Variants in SNAP25 observed in about 807,000 individuals in gnomAD.
SNAP25 encodes the protein synaptosome associated protein 25, also known as synaptosomal-associated protein 25.
A neutral mutation model predicts 28.7 loss-of-function variants in SNAP25; 3 were observed. That is an observed-to-expected ratio of 0.10 (90% CI 0.05 to 0.27). The LOEUF (loss-of-function observed/expected upper bound fraction) is 0.27, where lower values mean the gene tolerates loss of function less well. Among genes scored for constraint, SNAP25 ranks in the 10% least tolerant of loss-of-function variants. The pLI, the probability that SNAP25 is intolerant of heterozygous loss-of-function variation, is 1.00. For synonymous variants in SNAP25, 61 were observed against 88.1 expected, an observed-to-expected ratio of 0.69 and a Z score of 1.72; for missense variants, 117 against 278.7, an observed-to-expected ratio of 0.42 and a Z score of 4.13.
At chr20:10,222,064 C>T (rs1006074880) in intron 1 of SNAP25, among the ~76,000 whole-genome samples, 15 of 152,224 alleles carry the variant, frequency 9.9e-5, no homozygotes, top group Non-Finnish European at 2.2e-4. Context: ...AATGTCATCC[C>T]TTGTCAGCAA....
chr20:10,242,077 C>A (rs900361981), intron 1 of SNAP25, among the ~76,000 whole-genome samples: 1 of 152,148 alleles, frequency 6.6e-6, no homozygotes, highest in Non-Finnish European at 1.5e-5. Context: ...TGCTGGAGAA[C>A]CCTAACTGCT....
intron 4 of SNAP25, among the ~76,000 whole-genome samples, chr20:10,286,288 T>C (rs1371160475): frequency 1.3e-5 from 2 of 152,118 alleles, no homozygotes; most frequent in Admixed American, 6.5e-5. Flanking sequence ...AGATGCCTCA[T>C]TTGGGGTCCC....
intron 5 of SNAP25, 197 bp from the exon 6 acceptor site, chr20:10,296,728 T>C (rs1434333457): frequency 3.1e-6 from 2 of 638,566 alleles, no homozygotes; most frequent in East Asian, 3.1e-5. Flanking sequence ...ATGGATTCGA[T>C]TGGAAGTGAA....
chr20:10,266,984 C>T (rs775659379), intron 1 of SNAP25, among the ~76,000 whole-genome samples: 5 of 152,078 alleles, frequency 3.3e-5, no homozygotes, highest in Admixed American at 6.6e-5. Context: ...ATTAAATATT[C>T]ACAGCCATTG....
intron 1 of SNAP25, among the ~76,000 whole-genome samples, chr20:10,255,262 A>C (rs1600694858): frequency 6.6e-6 from 1 of 152,250 alleles, no homozygotes; most frequent in East Asian, 1.9e-4. Flanking sequence ...AGCACTTCAA[A>C]CTTTGATTGC....
chr20:10,279,597 C>T, intron 3 of SNAP25, among the ~76,000 whole-genome samples: 1 of 152,206 alleles, frequency 6.6e-6, no homozygotes, highest in South Asian at 2.1e-4. Context: ...TCTTAAACTG[C>T]AAGCCATGTC....
chr20:10,240,515 C>T (rs2063007956), intron 1 of SNAP25, among the ~76,000 whole-genome samples: 1 of 152,144 alleles, frequency 6.6e-6, no homozygotes, highest in African/African-American at 2.4e-5. Context: ...GGCACCAGGG[C>T]ACAGAAATGC....
intron 7 of SNAP25, among the ~76,000 whole-genome samples, chr20:10,300,974 A>C (rs898582469): frequency 3.2e-4 from 49 of 151,988 alleles, no homozygotes; most frequent in Non-Finnish European, 8.8e-5. Flanking sequence ...CTCCAACAGA[A>C]AAAACAATTT....
chr20:10,273,041 G>C (rs936713090), intron 1 of SNAP25, among the ~76,000 whole-genome samples: 2 of 152,080 alleles, frequency 1.3e-5, no homozygotes, highest in Admixed American at 1.3e-4. Flanking sequence ...CAATAGAATC[G>C]TGGACCTGGA....
At chr20:10,246,142 T>C (rs2063123272) in intron 1 of SNAP25, among the ~76,000 whole-genome samples, 1 of 152,232 alleles carries the variant, frequency 6.6e-6, no homozygotes, top group African/African-American at 2.4e-5. Context: ...GGAGAGCATA[T>C]TGATTCTAAG....
chr20:10,224,082 G>A (rs57547608), intron 1 of SNAP25, among the ~76,000 whole-genome samples: 3,801 of 151,782 alleles, frequency 0.025, 189 homozygotes, highest in African/African-American at 0.087. Flanking sequence ...TTTCCATTTC[G>A]CAGATGAAAT....
intron 1 of SNAP25, among the ~76,000 whole-genome samples, chr20:10,248,281 C>G (rs1391533403): frequency 6.6e-6 from 1 of 152,170 alleles, no homozygotes; most frequent in African/African-American, 2.4e-5. Flanking sequence ...ATAGCCAACC[C>G]CAACACCTCA....
intron 1 of SNAP25, among the ~76,000 whole-genome samples, chr20:10,232,966 C>T (rs2122679573): frequency 6.6e-6 from 1 of 152,228 alleles, no homozygotes; most frequent in East Asian, 1.9e-4. Context: ...TAAACTTAAC[C>T]TTGATCTGAA....
intron 3 of SNAP25, among the ~76,000 whole-genome samples, chr20:10,283,487 T>C (rs2123055997): frequency 6.6e-6 from 1 of 152,346 alleles, no homozygotes; most frequent in Admixed American, 6.5e-5. Flanking sequence ...TATCAAAGTG[T>C]GCTCAAAGGC....
chr20:10,296,541 T>A (rs1045472034), intron 5 of SNAP25: 7 of 218,450 alleles, frequency 3.2e-5, no homozygotes, highest in African/African-American at 1.7e-4. Context: ...GGCAGTCTTG[T>A]TTTGTGTCTG....
At chr20:10,261,808 A>G (rs1310012027) in intron 1 of SNAP25, among the ~76,000 whole-genome samples, 1 of 152,194 alleles carries the variant, frequency 6.6e-6, no homozygotes, top group Non-Finnish European at 1.5e-5. Context: ...ACTATTCACA[A>G]GGATAATGAG....
At chr20:10,250,004 T>C (rs960288036) in intron 1 of SNAP25, among the ~76,000 whole-genome samples, 1 of 152,118 alleles carries the variant, frequency 6.6e-6, no homozygotes, top group African/African-American at 2.4e-5. Context: ...AGGGTGGAGC[T>C]CATGAATATG....
chr20:10,240,466 GC>G (rs1320116120), intron 1 of SNAP25, among the ~76,000 whole-genome samples: 6 of 152,092 alleles, frequency 3.9e-5, no homozygotes, highest in Admixed American at 1.3e-4. Flanking sequence ...GCTCACAGGT[GC>G]CCCCCATGCT....
chr20:10,302,989 T>C (rs963547869), intron 7 of SNAP25, among the ~76,000 whole-genome samples: 2 of 152,052 alleles, frequency 1.3e-5, no homozygotes, highest in African/African-American at 4.8e-5. Flanking sequence ...ACTTCAAATA[T>C]CCCCAGGTGA....
Sources: gnomAD v4.1 joint callset for allele counts (sites outside exome capture counted in the v4.1 genomes callset) on GRCh38, gnomAD v4.1.1 for gene constraint, MANE v1.5 for transcripts, NCBI Gene and HGNC (gene_info 2026-07-23, HGNC 2026-07-21) for gene names.